NRG1: variants seen among roughly 807,000 people sequenced by gnomAD.
The protein encoded by NRG1 is neuregulin 1.
Under a neutral mutation model 63.8 loss-of-function variants are expected in NRG1, and 18 were observed. That is an observed-to-expected ratio of 0.28 (90% CI 0.19 to 0.42). NRG1 has a LOEUF of 0.42. NRG1 is among the 10% of genes least tolerant of loss of function. The pLI, the probability that NRG1 is intolerant of heterozygous loss-of-function variation, is 1.00. For missense variants in NRG1, 762 were observed against 814.7 expected (o/e 0.94, Z 0.79); for synonymous variants, 302 against 301.3 (o/e 1.00, Z -0.02).
chr8:32,557,197 C>T (rs1250963079), intron 1 of NRG1, among the ~76,000 whole-genome samples: 3 of 151,996 alleles, frequency 2.0e-5, no homozygotes, highest in South Asian at 2.1e-4. Context: ...TTAGTAGAGA[C>T]GGTGTTTCAC....
intron 5 of NRG1, among the ~76,000 whole-genome samples, chr8:32,716,794 G>A (rs1053074282): frequency 6.8e-5 from 9 of 132,324 alleles, no homozygotes; most frequent in South Asian, 2.6e-4. Flanking sequence ...GTGTGCGTGC[G>A]TGTGTGCATG....
chr8:32,604,128 C>A (rs1045797199), intron 2 of NRG1, among the ~76,000 whole-genome samples: 3 of 152,110 alleles, frequency 2.0e-5, no homozygotes, highest in Admixed American at 2.0e-4. Flanking sequence ...AATTTAGACA[C>A]GTGAGAGCAG....
At chr8:32,635,741 T>C (rs1315138640) in intron 5 of NRG1, among the ~76,000 whole-genome samples, 2 of 152,206 alleles carry the variant, frequency 1.3e-5, no homozygotes, top group Non-Finnish European at 2.9e-5. Flanking sequence ...GCCAAATGCT[T>C]AGGTACCTTG....
At chr8:32,115,124 G>T (rs1040439202) in intron 1 of NRG1, among the ~76,000 whole-genome samples, 1 of 151,692 alleles carries the variant, frequency 6.6e-6, no homozygotes, top group Non-Finnish European at 1.5e-5. Flanking sequence ...TTTGCCTCCC[G>T]GGTTAAAGAG....
At chr8:32,010,283 A>G (rs1387372180) in intron 1 of NRG1, among the ~76,000 whole-genome samples, 1 of 152,092 alleles carries the variant, frequency 6.6e-6, no homozygotes, top group African/African-American at 2.4e-5. Flanking sequence ...GAAGTAAACA[A>G]TTTATGTATT....
chr8:32,765,740 C>G (rs1831376253), exon 12 of NRG1: 1 of 152,162 alleles, frequency 6.6e-6, no homozygotes, highest in Admixed American at 6.5e-5. Flanking sequence ...TGACCCCCAC[C>G]TGTGTCCTGA....
chr8:31,798,221 G>T (rs1025109675), intron 1 of NRG1, among the ~76,000 whole-genome samples: 1 of 151,974 alleles, frequency 6.6e-6, no homozygotes, highest in South Asian at 2.1e-4. Flanking sequence ...TTCAATATTC[G>T]CAACACAGAG....
intron 5 of NRG1, chr8:32,647,440 C>T (rs535352158): frequency 6.1e-6 from 6 of 985,354 alleles, no homozygotes; most frequent in African/African-American, 3.5e-5. Flanking sequence ...GTCCTCTTGA[C>T]GAGCCCGGGA....
intron 1 of NRG1, among the ~76,000 whole-genome samples, chr8:31,643,612 A>G (rs190232049): frequency 1.4e-4 from 22 of 152,352 alleles, no homozygotes; most frequent in Non-Finnish European, 1.5e-5. Flanking sequence ...TTGTAGTTGA[A>G]GTTTGTATAA....
chr8:32,181,792 T>C (rs2132109332), intron 1 of NRG1, among the ~76,000 whole-genome samples: 1 of 152,266 alleles, frequency 6.6e-6, no homozygotes, highest in South Asian at 2.1e-4. Context: ...GATAAAAATG[T>C]ATTACAGAGA....
chr8:32,121,398 CGTGT>C (rs140452698), intron 1 of NRG1, among the ~76,000 whole-genome samples: 68 of 148,326 alleles, frequency 4.6e-4, no homozygotes, highest in Admixed American at 5.4e-4. Context: ...CCTGGGAAAT[CGTGT>C]GTGTGTGTGT....
At chr8:31,874,857 C>T (rs1249075067) in intron 1 of NRG1, among the ~76,000 whole-genome samples, 2 of 148,918 alleles carry the variant, frequency 1.3e-5, no homozygotes, top group South Asian at 2.2e-4. Flanking sequence ...GGGGAATAAA[C>T]AGGGAAATCC....
At chr8:32,230,549 A>C (rs1292169001) in intron 1 of NRG1, among the ~76,000 whole-genome samples, 1 of 152,158 alleles carries the variant, frequency 6.6e-6, no homozygotes, top group Admixed American at 6.5e-5. Context: ...TGACTAAAAC[A>C]TTTTGAGCAG....
chr8:32,415,853 C>T (rs1462431121), intron 1 of NRG1, among the ~76,000 whole-genome samples: 1 of 152,138 alleles, frequency 6.6e-6, no homozygotes. Flanking sequence ...TGGCCAAGTA[C>T]ATGTTAACAG....
intron 1 of NRG1, among the ~76,000 whole-genome samples, chr8:32,452,665 A>T (rs533312648): frequency 6.9e-6 from 1 of 144,376 alleles, no homozygotes; most frequent in South Asian, 2.3e-4. Context: ...TTCAAAAGAT[A>T]GATCTGATGG....
intron 5 of NRG1, among the ~76,000 whole-genome samples, chr8:32,660,850 G>A (rs1802678999): frequency 6.6e-6 from 1 of 152,218 alleles, no homozygotes; most frequent in Admixed American, 6.5e-5. Context: ...TTACTAGGCA[G>A]TTTTAACAAT....
At chr8:32,768,448 C>A (rs1252308966), downstream of NRG1, among the ~76,000 whole-genome samples, 1 of 152,184 alleles carries the variant, frequency 6.6e-6, no homozygotes, top group African/African-American at 2.4e-5. Context: ...TTCCTTATAC[C>A]ATCCGCTAAT....
chr8:32,211,765 A>C (rs1010023985), intron 1 of NRG1, among the ~76,000 whole-genome samples: 1 of 152,140 alleles, frequency 6.6e-6, no homozygotes, highest in Admixed American at 6.6e-5. Context: ...CTTCCATCAC[A>C]CAGCAGGCTT....
chr8:32,344,382 C>CTTTCTTTCTTTCTTTT (rs59156035), intron 1 of NRG1, among the ~76,000 whole-genome samples: 3 of 65,904 alleles, frequency 4.6e-5, no homozygotes, highest in Non-Finnish European at 6.4e-5. Context: ...TTCTTTCTTT[C>CTTTCTTTCTTTCTTTT]TCTTTCTTTC....
Sources: allele counts gnomAD v4.1 joint callset (sites outside exome capture counted in the v4.1 genomes callset), GRCh38; gene constraint gnomAD v4.1.1; transcripts MANE v1.5; gene names NCBI Gene and HGNC (gene_info 2026-07-23, HGNC 2026-07-21).